GAK: variants seen among roughly 807,000 people sequenced by gnomAD.
The protein encoded by GAK is cyclin G associated kinase.
A neutral mutation model predicts 143.9 loss-of-function variants in GAK; 79 were observed. The observed-to-expected ratio is 0.55, with a 90% confidence interval of 0.46 to 0.66. The LOEUF is 0.66. Among genes scored for constraint, GAK ranks in the 30% least tolerant of loss-of-function variants. The pLI is 0.00. For synonymous variants in GAK, 881 were observed against 765.5 expected (o/e 1.15, Z -2.49); for missense variants, 1,693 against 1,779.7 (o/e 0.95, Z 0.88).
chr4:898,747 C>T (rs1719290405), intron 5 of GAK, among the ~76,000 whole-genome samples: 1 of 152,156 alleles, frequency 6.6e-6, no homozygotes, highest in Non-Finnish European at 1.5e-5. Flanking sequence ...CCTGTAGTCC[C>T]AGCTACTCAG....
At chr4:865,300 G>A in intron 22 of GAK, 56 bp from the exon 23 acceptor site, 1 of 1,607,764 alleles carries the variant, frequency 6.2e-7, no homozygotes, top group Non-Finnish European at 8.5e-7. Flanking sequence ...GCAGGCAAAT[G>A]TGGCGGGGCG....
In GAK at chr4:859,779, C is replaced by T. The variant is rs1446099509; in HGVS notation, c.3167-57G>A. 7.2e-6 allele frequency: 9 copies of T among 1,248,048 alleles called. No homozygotes were observed. The East Asian group carries it at 2.1e-4, about 29-fold the overall frequency. 77.3% of individuals were successfully genotyped at this position (1,248,048 alleles called of 1,614,324 possible). On this transcript the variant is annotated intron_variant, in intron 23 of 27. Coordinates refer to ENST00000314167, the MANE Select transcript of GAK (RefSeq NM_005255.4). ...CACCATCTGAAGCGAAACACATCCT[C>T]CTGGGACCTCCGATGGCGCCTCCTT...
intron 27 of GAK, 51 bp from the exon 28 acceptor site, chr4:849,825 C>CGGGGGG: frequency 4.1e-6 from 5 of 1,229,740 alleles, no homozygotes; most frequent in African/African-American, 1.7e-5. Flanking sequence ...CGGGGGCGGG[C>CGGGGGG]GGGGCAGGAC....
chr4:855,324 G>A (rs1009836410), intron 24 of GAK, among the ~76,000 whole-genome samples: 1 of 150,414 alleles, frequency 6.6e-6, no homozygotes, highest in Non-Finnish European at 1.5e-5. Context: ...ATACCTAAAT[G>A]TTTATTTTTT....
rs573491023 is a variant in GAK at position 923,959 on chromosome 4, C to T, written c.145+8084G>A. 2.5e-4 allele frequency among the ~76,000 whole-genome samples: 38 copies of T among 152,170 alleles called. No individual in the cohort carries two copies. The Middle Eastern group carries it at 0.014, about 54-fold the overall frequency. On this transcript the variant is annotated intron_variant, in intron 1 of 27. Transcript: ENST00000314167. The stretch of plus-strand genomic sequence containing the variant: ...CAGCACTTTGGGAGGCCAAGGCCGG[C>T]GGGTGACCTGAGGTCAGGAGTTTGA...
At chr4:862,878 G>A (rs533532900) in intron 23 of GAK, among the ~76,000 whole-genome samples, 7 of 152,346 alleles carry the variant, frequency 4.6e-5, no homozygotes, top group South Asian at 2.1e-4. Context: ...AGAGACGTAC[G>A]CAGACAGTCA....
chr4:859,674 G>A lies in GAK; in HGVS notation c.3215C>T (p.Ala1072Val), dbSNP rs200884438. The change falls in exon 24 of 28, where the codon GCC becomes GTC. Residue 1072 changes from alanine (A) to valine (V), a missense_variant. Physicochemically the swap from Ala to Val is moderately conservative, Grantham distance 64 (BLOSUM62 0). This residue lies in a region of GAK where 822 missense variants were observed against 788.7 expected (regional missense o/e 1.04). Coordinates refer to ENST00000314167, the MANE Select transcript of GAK (RefSeq NM_005255.4). ...GGQPAPCGSQ[A>V]SWTKSQNPDP... ...CGGGTTCTGAGACTTGGTCCAGCTGGCCTGAGAGCCACAAGGGGCCGGCTG... is the reference window on the plus strand; with the variant it reads ...CGGGTTCTGAGACTTGGTCCAGCTGACCTGAGAGCCACAAGGGGCCGGCTG... The A allele has an allele frequency of 1.2e-6, 2 of 1,602,010 alleles. No homozygotes were observed. Among genetic ancestry groups the A allele is most frequent in the East Asian group, 4.5e-5 (2 of 44,446 alleles).
At chr4:849,833 G>GTCCCCCCCCCC in intron 27 of GAK, 59 bp from the exon 28 acceptor site, 16 of 1,190,132 alleles carry the variant, frequency 1.3e-5, no homozygotes, top group Non-Finnish European at 1.8e-5. Flanking sequence ...GGCGGGGCAG[G>GTCCCCCCCCCC]ACCCCCCCCC....
intron 18 of GAK, among the ~76,000 whole-genome samples, chr4:871,259 G>A (rs1008151230): frequency 6.6e-6 from 1 of 152,376 alleles, no homozygotes; most frequent in Middle Eastern, 3.4e-3. Flanking sequence ...CGTGCTCAGA[G>A]CAGACGGGAC....
chr4:904,643 G>A lies in GAK; in HGVS notation c.519C>T (p.Asp173=), dbSNP rs1427814701. The change falls in exon 5 of 28, where the codon GAC becomes GAT. Residue 173 remains aspartate, a synonymous_variant. Transcript: ENST00000314167. The stretch of plus-strand genomic sequence containing the variant: ...GTGTGGAGGGAGCCACTACCTTGAG[G>A]TCCCTGTGGATGATGGGCGGCTTCT... ...HRQKPPIIHR[D]LKVENLLLSN... The A allele has an allele frequency of 1.3e-6, 2 of 1,591,902 alleles. No individual in the cohort carries two copies. Among genetic ancestry groups the A allele is most frequent in the Admixed American group, 1.7e-5 (1 of 57,788 alleles).
In GAK at chr4:883,459, C is replaced by T. The variant is rs779989655; in HGVS notation, c.1260G>A (p.Met420Ile). 12 of 1,613,416 alleles carry T rather than the reference C, an allele frequency of 7.4e-6. No homozygotes were observed. The highest frequency in any genetic ancestry group is 1.0e-5 in the Non-Finnish European group (12 of 1,179,966). Residue 420 changes from methionine to isoleucine, a missense_variant, in exon 13 of 28, where the codon ATG becomes ATA. Transcript: ENST00000314167. The stretch of plus-strand genomic sequence containing the variant: ...ACTCCACACCTTCTGCTGGGAATGA[C>T]ATCACTGAAACAAGCAGACCTGCGT... ...ISYITSRIAV[M>I]SFPAEGVESA...
rs773721246 is a variant in GAK, at chr4:868,607, G to A, written c.2327C>T (p.Thr776Ile). Residue 776 changes from threonine to isoleucine, a missense_variant, in exon 20 of 28, where the codon ACA becomes ATA. This residue lies in a region of GAK where 822 missense variants were observed against 788.7 expected (regional missense o/e 1.04). Transcript: ENST00000314167. ...AGAGSPEAEP[T>I]DSDSPPSSSA... Reference sequence around the variant, plus strand: ...GCTGCTTGGCGGTGAGTCAGAGTCTGTGGGTTCGGCTTCCGGGGACCCTGC... The same window carrying A: ...GCTGCTTGGCGGTGAGTCAGAGTCTATGGGTTCGGCTTCCGGGGACCCTGC... 6.3e-7 allele frequency: 1 copy of A among 1,596,532 alleles called. No homozygotes were observed. Among genetic ancestry groups the A allele is most frequent in the Non-Finnish European group, 8.5e-7 (1 of 1,172,066 alleles).
At chr4:882,961 G>A in intron 13 of GAK, 142 bp from the exon 14 acceptor site, 5 of 1,071,600 alleles carry the variant, frequency 4.7e-6, no homozygotes, top group Non-Finnish European at 6.6e-6. Context: ...CGAGACCTGA[G>A]CACCAGGGCT....
chr4:880,645 C>T (rs1250425812), intron 15 of GAK, among the ~76,000 whole-genome samples: 1 of 152,182 alleles, frequency 6.6e-6, no homozygotes, highest in Non-Finnish European at 1.5e-5. Context: ...GCCTCCTTCT[C>T]TTCTGGGGTC....
chr4:870,759 T>A lies in GAK; in HGVS notation c.2200A>T (p.Ile734Phe). The change falls in exon 19 of 28, where the codon ATC becomes TTC. Residue 734 changes from isoleucine (I) to phenylalanine (F), a missense_variant. Transcript: ENST00000314167. ...TGCTCCTCCCGGCTGGAAAACAGGATTTTGGGGTTCAGCCCCCTCATGCTC... is the reference window on the plus strand; with the variant it reads ...TGCTCCTCCCGGCTGGAAAACAGGAATTTGGGGTTCAGCCCCCTCATGCTC... ...NSSMRGLNPK[I>F]LFSSREEQQD... 1 of 1,613,908 alleles carries A rather than the reference T, an allele frequency of 6.2e-7. No individual in the cohort carries two copies. The highest frequency in any genetic ancestry group is 8.5e-7 in the Non-Finnish European group (1 of 1,179,966).
At chr4:855,553 T>C (rs777085485) in intron 24 of GAK, among the ~76,000 whole-genome samples, 5 of 152,228 alleles carry the variant, frequency 3.3e-5, no homozygotes, top group Admixed American at 6.5e-5. Context: ...TTTCTCCCTT[T>C]GTAGTGCGTG....
intron 26 of GAK, chr4:850,533 C>G (rs147598362): frequency 1.3e-4 from 24 of 191,896 alleles, no homozygotes; most frequent in African/African-American, 3.3e-4. Flanking sequence ...TCCTCACCCC[C>G]CAGTGAGCGT....
rs201223366 is a variant in GAK, at chr4:870,200, AAC to A, written c.2248+509_2248+510del. Reference sequence around the variant, plus strand: ...TGAAGATGCTCAGAAAGAAAAAGCAAACACTGCAAACCAAGAGCCGAGAACAA... The same window carrying A: ...TGAAGATGCTCAGAAAGAAAAAGCAAACTGCAAACCAAGAGCCGAGAACAA... On this transcript the variant is annotated intron_variant, in intron 19 of 27. Transcript: ENST00000314167. Among the ~76,000 whole-genome samples the A allele has an allele frequency of 1.6e-4, 24 of 152,332 alleles. No homozygotes were observed. The East Asian group carries it at 4.4e-3, about 28-fold the overall frequency.
intron 6 of GAK, among the ~76,000 whole-genome samples, chr4:897,416 C>T (rs1290235448): frequency 6.6e-6 from 1 of 152,182 alleles, no homozygotes; most frequent in African/African-American, 2.4e-5. Flanking sequence ...ATGCAAGACA[C>T]AAGAGCAAGA....
Sources: gnomAD v4.1 joint callset for allele counts (sites outside exome capture counted in the v4.1 genomes callset) on GRCh38, gnomAD v4.1.1 for gene constraint, gnomAD v4.1.1 regional missense constraint, MANE v1.5 for transcripts, NCBI Gene and HGNC (gene_info 2026-07-23, HGNC 2026-07-21) for gene names.